Variants in PTPRT observed in about 807,000 individuals in gnomAD.
The protein encoded by PTPRT is protein tyrosine phosphatase receptor type T.
In PTPRT, 56 loss-of-function variants were observed where a neutral mutation model predicts 176.8. The observed-to-expected ratio is 0.32, with a 90% CI of 0.26 to 0.40. PTPRT has a LOEUF of 0.40. Ranked by LOEUF, PTPRT falls within the 10% of genes least tolerant of loss-of-function variation. The pLI, the probability that PTPRT is intolerant of heterozygous loss-of-function variation, is 1.00. For missense variants in PTPRT, 1,540 were observed against 1,908.2 expected, an observed-to-expected ratio of 0.81 and a Z score of 3.60; for synonymous variants, 783 against 739.0, an observed-to-expected ratio of 1.06 and a Z score of -0.96.
intron 1 of PTPRT, among the ~76,000 whole-genome samples, chr20:43,183,221 G>A (rs571097081): frequency 6.6e-6 from 1 of 152,194 alleles, no homozygotes; most frequent in Non-Finnish European, 1.5e-5. Flanking sequence ...TTCAAAGAGC[G>A]AGAGATAATG....
intron 1 of PTPRT, among the ~76,000 whole-genome samples, chr20:43,094,755 G>A (rs949026355): frequency 6.6e-6 from 1 of 152,220 alleles, no homozygotes; most frequent in Middle Eastern, 3.4e-3. Context: ...TACTACGGGA[G>A]CTCTATAGGG....
intron 1 of PTPRT, among the ~76,000 whole-genome samples, chr20:43,061,561 A>C (rs1987463118): frequency 6.6e-6 from 1 of 152,234 alleles, no homozygotes; most frequent in Admixed American, 6.5e-5. Flanking sequence ...CTCTACTGCT[A>C]TGAAGTGGTG....
intron 5 of PTPRT, among the ~76,000 whole-genome samples, chr20:42,765,682 G>A (rs1341083116): frequency 2.0e-5 from 3 of 151,536 alleles, no homozygotes; most frequent in African/African-American, 7.3e-5. Flanking sequence ...ATATACATAT[G>A]TATATACAGA....
intron 9 of PTPRT, among the ~76,000 whole-genome samples, chr20:42,406,223 AATGACATAAAGAAAAAAC>A (rs1261762781): frequency 2.0e-5 from 3 of 152,102 alleles, no homozygotes; most frequent in African/African-American, 7.2e-5. Flanking sequence ...AAACAATAAT[AATGACATAAAGAAAAAAC>A]ATGTATCTAA....
At chr20:42,250,214 T>C (rs768556888) in intron 13 of PTPRT, among the ~76,000 whole-genome samples, 4 of 152,264 alleles carry the variant, frequency 2.6e-5, no homozygotes, top group African/African-American at 7.2e-5. Context: ...AGGGGCAAGA[T>C]TACGCCTCGT....
intron 18 of PTPRT, 41 bp downstream of exon 18, chr20:42,141,874 C>A: frequency 6.5e-7 from 1 of 1,546,776 alleles, no homozygotes; most frequent in Non-Finnish European, 8.9e-7. Context: ...CCCCTGCATC[C>A]TCAACACCTG....
chr20:42,408,831 A>G (rs2058985870), intron 9 of PTPRT, among the ~76,000 whole-genome samples: 1 of 152,260 alleles, frequency 6.6e-6, no homozygotes, highest in African/African-American at 2.4e-5. Flanking sequence ...GGCATCTGAT[A>G]AGTCCTAGAT....
intron 2 of PTPRT, among the ~76,000 whole-genome samples, chr20:42,797,235 T>C (rs2077466556): frequency 6.6e-6 from 1 of 152,214 alleles, no homozygotes; most frequent in Non-Finnish European, 1.5e-5. Flanking sequence ...ATCTTCTTCC[T>C]TTCCACTCCC....
intron 7 of PTPRT, among the ~76,000 whole-genome samples, chr20:42,660,083 C>G (rs1167706524): frequency 6.6e-6 from 1 of 152,134 alleles, no homozygotes; most frequent in East Asian, 1.9e-4. Context: ...CTGTGAGGAC[C>G]AATAGAAATT....
chr20:42,209,288 AC>A (rs2146725257), intron 15 of PTPRT, among the ~76,000 whole-genome samples: 1 of 152,268 alleles, frequency 6.6e-6, no homozygotes, highest in South Asian at 2.1e-4. Flanking sequence ...GCAAGAAATA[AC>A]TAAGATCAGA....
intron 6 of PTPRT, among the ~76,000 whole-genome samples, chr20:42,711,228 T>C (rs1255204870): frequency 1.3e-5 from 2 of 152,208 alleles, no homozygotes; most frequent in East Asian, 1.9e-4. Context: ...GAAATGAATG[T>C]GTTTTGCATG....
At chr20:43,113,959 T>C (rs1449598897) in intron 1 of PTPRT, among the ~76,000 whole-genome samples, 1 of 152,222 alleles carries the variant, frequency 6.6e-6, no homozygotes, top group Non-Finnish European at 1.5e-5. Context: ...ATGATATGCA[T>C]TTCTGCAGAC....
intron 7 of PTPRT, among the ~76,000 whole-genome samples, chr20:42,621,504 A>G (rs2074195866): frequency 6.6e-6 from 1 of 152,184 alleles, no homozygotes; most frequent in Non-Finnish European, 1.5e-5. Context: ...TTCTCCTGCC[A>G]TGGATTCCTC....
chr20:43,075,211 C>T (rs759916666), intron 1 of PTPRT, among the ~76,000 whole-genome samples: 94 of 152,202 alleles, frequency 6.2e-4, no homozygotes, highest in Non-Finnish European at 1.1e-3. Flanking sequence ...GGATTTCTCA[C>T]GAAAGTGTTG....
intron 15 of PTPRT, among the ~76,000 whole-genome samples, chr20:42,223,469 C>T (rs911054344): frequency 8.5e-5 from 13 of 152,266 alleles, no homozygotes; most frequent in African/African-American, 2.4e-4. Flanking sequence ...TATTGTTTTC[C>T]TCACCATTCA....
At chr20:42,501,059 C>T (rs1002489764) in intron 7 of PTPRT, among the ~76,000 whole-genome samples, 7 of 152,116 alleles carry the variant, frequency 4.6e-5, no homozygotes, top group African/African-American at 1.4e-4. Flanking sequence ...TGTAACAGAT[C>T]GATAACAAAA....
chr20:42,752,113 T>G (rs1009202575), intron 6 of PTPRT, among the ~76,000 whole-genome samples: 1 of 152,198 alleles, frequency 6.6e-6, no homozygotes, highest in Non-Finnish European at 1.5e-5. Context: ...AGAACAGGCC[T>G]GACATGATTT....
At chr20:42,636,459 C>T (rs980002671) in intron 7 of PTPRT, among the ~76,000 whole-genome samples, 4 of 151,930 alleles carry the variant, frequency 2.6e-5, no homozygotes, top group African/African-American at 9.7e-5. Flanking sequence ...ATATAATCAC[C>T]AATGGCTTTA....
intron 3 of PTPRT, among the ~76,000 whole-genome samples, chr20:42,789,339 C>G (rs1031387507): frequency 2.0e-5 from 3 of 152,124 alleles, no homozygotes; most frequent in African/African-American, 7.2e-5. Context: ...GGCTACTAAA[C>G]GTTTATAAAT....
Sources: gnomAD v4.1 joint callset for allele counts (sites outside exome capture counted in the v4.1 genomes callset) on GRCh38, gnomAD v4.1.1 for gene constraint, MANE v1.5 for transcripts, NCBI Gene and HGNC (gene_info 2026-07-23, HGNC 2026-07-21) for gene names.